MPDZ: variants seen among roughly 807,000 people sequenced by gnomAD.
The protein encoded by MPDZ is multiple PDZ domain crumbs cell polarity complex component, also known as multiple PDZ domain protein.
MPDZ carries 234 observed loss-of-function variants against 239.1 expected under a neutral mutation model. The observed-to-expected ratio is 0.98, with a 90% CI of 0.88 to 1.09. MPDZ has a LOEUF of 1.09. MPDZ is among the 50% of genes least tolerant of loss of function. The probability of loss-of-function intolerance (pLI) is 0.00; values close to 1 mark genes in which losing one functional copy is unlikely to be tolerated. For missense variants in MPDZ, 3,175 were observed against 2,510.0 expected (o/e 1.26, Z -5.66); for synonymous variants, 1,048 against 881.3 (o/e 1.19, Z -3.35).
Position 13,221,384 on chromosome 9 carries a change from TC to T in MPDZ, c.863del (p.Gly288GlufsTer2). 6.2e-7 allele frequency: 1 copy of T among 1,608,118 alleles called. No individual in the cohort carries two copies. The highest frequency in any genetic ancestry group is 8.5e-7 in the Non-Finnish European group (1 of 1,176,646). On this transcript the variant is annotated frameshift_variant, in exon 7 of 47. Coordinates refer to ENST00000319217, the MANE Select transcript of MPDZ (RefSeq NM_001378778.1). LOFTEE classifies it high-confidence loss of function. ...GVIVKTILPG[G>X]VADQHGRLCS... ...TGATGTAGCCTACCTGATCAGCTAC[TC>T]CTCCAGGCAGAATGGTTTTTACTAT... is the stretch of plus-strand genomic sequence containing the variant.
intron 12 of MPDZ, 66 bp downstream of exon 12, chr9:13,204,970 T>G: frequency 9.0e-7 from 1 of 1,110,390 alleles, no homozygotes; most frequent in Non-Finnish European, 1.2e-6. Flanking sequence ...TTAATCACAT[T>G]TGTAAAAATC....
intron 29 of MPDZ, among the ~76,000 whole-genome samples, chr9:13,137,249 C>T (rs967345789): frequency 6.6e-6 from 1 of 152,222 alleles, no homozygotes; most frequent in East Asian, 1.9e-4. Context: ...AGAAGAAATG[C>T]TAGGTAGATT....
chr9:13,121,704 C>G, intron 38 of MPDZ, 35 bp downstream of exon 38: 11 of 1,606,262 alleles, frequency 6.8e-6, no homozygotes, highest in Non-Finnish European at 9.4e-6. Context: ...CCATCATTTC[C>G]AAGGGAGCAT....
chr9:13,247,326 G>A (rs1180940065), intron 3 of MPDZ, among the ~76,000 whole-genome samples: 1 of 152,264 alleles, frequency 6.6e-6, no homozygotes, highest in East Asian at 1.9e-4. Flanking sequence ...AGTGATGATG[G>A]AAACTAAGTC....
chr9:13,250,492 C>A, intron 1 of MPDZ, 120 bp from the exon 2 acceptor site: 1 of 580,734 alleles, frequency 1.7e-6, no homozygotes. Flanking sequence ...CTTGTTGATA[C>A]AACTTAAGAT....
intron 1 of MPDZ, among the ~76,000 whole-genome samples, chr9:13,255,626 C>T (rs147684708): frequency 1.3e-5 from 2 of 152,288 alleles, no homozygotes; most frequent in Non-Finnish European, 2.9e-5. Flanking sequence ...TCTATCAGAG[C>T]TCTTGGATAA....
chr9:13,180,212 C>A (rs1953096753), intron 19 of MPDZ, among the ~76,000 whole-genome samples: 1 of 152,054 alleles, frequency 6.6e-6, no homozygotes, highest in Admixed American at 6.6e-5. Flanking sequence ...ATATTTTATG[C>A]TAGACAATGA....
At chr9:13,123,106 C>A in intron 36 of MPDZ, 47 bp downstream of exon 36, 1 of 1,531,424 alleles carries the variant, frequency 6.5e-7, no homozygotes, top group Non-Finnish European at 8.8e-7. Context: ...TCTCTGAGGC[C>A]TGGCTGAAGG....
chr9:13,273,881 C>A (rs1230645767), intron 1 of MPDZ, among the ~76,000 whole-genome samples: 1 of 152,144 alleles, frequency 6.6e-6, no homozygotes, highest in Non-Finnish European at 1.5e-5. Context: ...CATATCTCTT[C>A]AAAAGACCTG....
At chr9:13,261,224 C>G (rs1468191641) in intron 1 of MPDZ, among the ~76,000 whole-genome samples, 1 of 152,166 alleles carries the variant, frequency 6.6e-6, no homozygotes, top group Middle Eastern at 3.2e-3. Flanking sequence ...TTGATAGAGA[C>G]AGAATACAGC....
chr9:13,204,982 T>A, intron 12 of MPDZ, 54 bp downstream of exon 12: 1 of 1,193,134 alleles, frequency 8.4e-7, no homozygotes, highest in Non-Finnish European at 1.1e-6. Context: ...GTAAAAATCA[T>A]TTCTAAAAAA....
chr9:13,149,933 C>T (rs998890104), intron 25 of MPDZ, among the ~76,000 whole-genome samples: 1 of 151,702 alleles, frequency 6.6e-6, no homozygotes, highest in African/African-American at 2.4e-5. Context: ...TGAAAGGTAA[C>T]TGAGGTGTCA....
intron 1 of MPDZ, chr9:13,276,556 A>G (rs940977117): frequency 2.0e-4 from 31 of 152,316 alleles, no homozygotes; most frequent in African/African-American, 7.5e-4. Flanking sequence ...TTGGACATAT[A>G]TCATCACTCA....
chr9:13,199,193 T>G lies in MPDZ; in HGVS notation c.1547-2963A>C, dbSNP rs945158395. On this transcript the variant is annotated intron_variant, in intron 12 of 46. Transcript: ENST00000319217. ...TGTCCTTTTCAATTTCTCTCATCAG[T>G]GTTCTGTAGGTTTCACTGCAGAAAT... is the stretch of plus-strand genomic sequence containing the variant. 2.6e-5 allele frequency among the ~76,000 whole-genome samples: 4 copies of G among 152,072 alleles called. No individual in the cohort carries two copies. In the East Asian group the frequency reaches 7.7e-4, roughly 29 times the overall value.
intron 22 of MPDZ, chr9:13,165,596 C>G: frequency 2.0e-6 from 1 of 493,218 alleles, no homozygotes; most frequent in East Asian, 3.2e-5. Context: ...TTACTAGTGT[C>G]TATAGCAGTG....
chr9:13,123,049 C>A, intron 36 of MPDZ, 104 bp downstream of exon 36: 5 of 1,202,782 alleles, frequency 4.2e-6, no homozygotes, highest in African/African-American at 1.5e-5. Flanking sequence ...GTTTTTTCGG[C>A]CTTCACATTT....
At chr9:13,228,884 T>TA (rs1961497893) in intron 3 of MPDZ, among the ~76,000 whole-genome samples, 1 of 152,286 alleles carries the variant, frequency 6.6e-6, no homozygotes, top group African/African-American at 2.4e-5. Context: ...CAAATAGCTT[T>TA]AAAAATGACT....
intron 1 of MPDZ, among the ~76,000 whole-genome samples, chr9:13,269,413 C>T (rs897897267): frequency 1.1e-4 from 16 of 152,134 alleles, no homozygotes; most frequent in Non-Finnish European, 2.2e-4. Flanking sequence ...GCTATATCCC[C>T]AGCACCAGAA....
chr9:13,171,156 T>C (rs1167713204), intron 21 of MPDZ, among the ~76,000 whole-genome samples: 3 of 152,130 alleles, frequency 2.0e-5, no homozygotes, highest in East Asian at 1.9e-4. Flanking sequence ...GAGAAACACA[T>C]ATGTAATAGT....
Sources: allele counts gnomAD v4.1 joint callset (sites outside exome capture counted in the v4.1 genomes callset), GRCh38; gene constraint gnomAD v4.1.1; transcripts MANE v1.5; gene names NCBI Gene and HGNC (gene_info 2026-07-23, HGNC 2026-07-21).